Variants in DMD observed in about 807,000 individuals in gnomAD.
DMD encodes dystrophin, also known as mutant dystrophin.
Under a neutral mutation model 330.1 loss-of-function variants are expected in DMD, and 63 were observed. The ratio of observed to expected loss-of-function variants is 0.19; its 90% CI spans 0.16 to 0.24. The LOEUF is 0.24. Among genes scored for constraint, DMD ranks in the 10% least tolerant of loss-of-function variants. DMD has a pLI of 1.00. For synonymous variants in DMD, 1,223 were observed against 959.8 expected (o/e 1.27, Z -5.07); for missense variants, 3,344 against 2,684.1 (o/e 1.25, Z -5.43).
chrX:32,857,039 C>T (rs2081626956), intron 2 of DMD, among the ~76,000 whole-genome samples: 1 of 107,565 alleles, frequency 9.3e-6, no homozygotes, highest in Admixed American at 9.9e-5. Flanking sequence ...AGCATCACTG[C>T]ACTCCACCCT....
At chrX:32,092,168 T>C (rs746624680) in intron 44 of DMD, among the ~76,000 whole-genome samples, 7 of 111,589 alleles carry the variant, frequency 6.3e-5, no homozygotes, top group Non-Finnish European at 9.4e-5. Context: ...TGGAGTTAGG[T>C]TGTGCATGAT....
At chrX:32,377,872 C>A (rs2097910213) in intron 34 of DMD, among the ~76,000 whole-genome samples, 1 of 110,998 alleles carries the variant, frequency 9.0e-6, no homozygotes, top group Admixed American at 9.6e-5. Flanking sequence ...ATCTGAAAAT[C>A]TGAAAACAAT....
At chrX:31,778,495 C>T (rs900078475) in intron 50 of DMD, among the ~76,000 whole-genome samples, 1 of 109,672 alleles carries the variant, frequency 9.1e-6, no homozygotes, top group Non-Finnish European at 1.9e-5. Flanking sequence ...CCTCTGGATT[C>T]AGGCATGTAT....
intron 7 of DMD, among the ~76,000 whole-genome samples, chrX:32,792,704 T>TAAA (rs1177099887): frequency 9.0e-6 from 1 of 111,317 alleles, no homozygotes; most frequent in Non-Finnish European, 1.9e-5. Context: ...TCAAAAACAG[T>TAAA]AAAAACAAAC....
chrX:31,650,092 C>T (rs2080356456), intron 54 of DMD, among the ~76,000 whole-genome samples: 1 of 105,480 alleles, frequency 9.5e-6, no homozygotes, highest in Non-Finnish European at 1.9e-5. Context: ...TCCCAAGTAG[C>T]TGGGACTACA....
intron 59 of DMD, among the ~76,000 whole-genome samples, chrX:31,449,292 A>G (rs2065515497): frequency 9.0e-6 from 1 of 111,472 alleles, no homozygotes; most frequent in Non-Finnish European, 1.9e-5. Flanking sequence ...ATTAATCGTA[A>G]TAGAGACTGT....
chrX:31,223,821 A>G (rs5971557), intron 63 of DMD, among the ~76,000 whole-genome samples: 35,626 of 111,382 alleles, frequency 0.32, 4,581 homozygotes, highest in African/African-American at 0.47. Flanking sequence ...CACTGTTAAC[A>G]TTTTGAGTAT....
At chrX:33,291,026 G>GAA (rs2053503526) in intron 1 of DMD, among the ~76,000 whole-genome samples, 1 of 110,946 alleles carries the variant, frequency 9.0e-6, no homozygotes, top group Non-Finnish European at 1.9e-5. Flanking sequence ...CTGGCAAACT[G>GAA]AATCCAGCAG....
At chrX:31,434,905 A>G (rs2064399311) in intron 60 of DMD, among the ~76,000 whole-genome samples, 1 of 112,089 alleles carries the variant, frequency 8.9e-6, no homozygotes, top group Admixed American at 9.5e-5. Flanking sequence ...AAATTAATAA[A>G]TGTGAGAATG....
chrX:31,341,891 G>GCGCGCGCGCACGCACACACACACACACA lies in DMD; in HGVS notation c.9163+6664_9163+6665insTGTGTGTGTGTGTGTGCGTGCGCGCGCG, dbSNP rs374298104. 3.0e-5 allele frequency among the ~76,000 whole-genome samples: 3 copies of GCGCGCGCGCACGCACACACACACACACA among 98,893 alleles called. 1 individual carries two copies. In the South Asian group the frequency reaches 1.5e-3, roughly 50 times the overall value. The allele number at this position is 98,893 out of a possible 115,157, so 85.9% of individuals were successfully genotyped here. On this transcript the variant is annotated intron_variant, in intron 61 of 78. Transcript: ENST00000357033. ...GGCGTGCGCGCGTGCGTGCGCGCGC[G>GCGCGCGCGCACGCACACACACACACACA]CACACACACACACACACACACACAC...
At chrX:31,973,766 A>G (rs774304308) in intron 44 of DMD, among the ~76,000 whole-genome samples, 3 of 111,821 alleles carry the variant, frequency 2.7e-5, no homozygotes, top group Non-Finnish European at 5.7e-5. Context: ...TTGTATAGGT[A>G]TTTATAAAAT....
intron 7 of DMD, among the ~76,000 whole-genome samples, chrX:32,740,172 G>T (rs577839850): frequency 9.1e-6 from 1 of 109,952 alleles, no homozygotes; most frequent in African/African-American, 3.3e-5. Context: ...ATATTGAGAT[G>T]ACCCTTCTCT....
intron 43 of DMD, among the ~76,000 whole-genome samples, chrX:32,260,009 T>C (rs908847102): frequency 1.8e-5 from 2 of 111,201 alleles, no homozygotes; most frequent in East Asian, 5.7e-4. Context: ...TCCCAAAATT[T>C]TTTGTCTGTC....
At chrX:31,699,385 C>A (rs1460405499) in intron 52 of DMD, among the ~76,000 whole-genome samples, 1 of 112,440 alleles carries the variant, frequency 8.9e-6, no homozygotes, top group Admixed American at 9.4e-5. Flanking sequence ...AATGACGTAT[C>A]AATAGCCATA....
At chrX:31,233,847 G>T (rs1437929712) in intron 63 of DMD, among the ~76,000 whole-genome samples, 2 of 112,085 alleles carry the variant, frequency 1.8e-5, no homozygotes, top group African/African-American at 6.5e-5. Flanking sequence ...CCACAGACCA[G>T]AGGTCACCAA....
chrX:31,659,264 T>G (rs1715343877), intron 53 of DMD, among the ~76,000 whole-genome samples: 1 of 111,562 alleles, frequency 9.0e-6, no homozygotes, highest in South Asian at 3.8e-4. Flanking sequence ...AATCTCACTT[T>G]TGGTACTTTA....
chrX:32,083,285 C>A (rs200524462), intron 44 of DMD, among the ~76,000 whole-genome samples: 2 of 83,980 alleles, frequency 2.4e-5, no homozygotes, highest in East Asian at 7.7e-4. Flanking sequence ...TTTTTTTTTT[C>A]TTTTTTTGAG....
rs772410634 is a variant in DMD, at chrX:32,726,652, C to T, written c.650-27359G>A. Among the ~76,000 whole-genome samples, 3 of 110,752 alleles carry T rather than the reference C, an allele frequency of 2.7e-5. No individual in the cohort carries two copies. In the East Asian group the frequency reaches 8.5e-4, roughly 31 times the overall value. ...AGTCTGAAATTAATATTGGAAAGAG[C>T]AGTTATAAGGACTGCATGGGTTTAT... On this transcript the variant is annotated intron_variant, in intron 7 of 78. Transcript: ENST00000357033.
At chrX:32,991,969 T>C (rs962367915) in intron 2 of DMD, among the ~76,000 whole-genome samples, 5 of 112,383 alleles carry the variant, frequency 4.4e-5, no homozygotes, top group Non-Finnish European at 9.4e-5. Context: ...AATGCTCCTA[T>C]TTCTTTTCTT....
Sources: allele counts gnomAD v4.1 joint callset (sites outside exome capture counted in the v4.1 genomes callset), GRCh38; gene constraint gnomAD v4.1.1; transcripts MANE v1.5; gene names NCBI Gene and HGNC (gene_info 2026-07-23, HGNC 2026-07-21).